The following MSMB variants were observed in gnomAD, a reference collection of about 807,000 sequenced individuals.
MSMB encodes beta-microseminoprotein.
MSMB carries 10 observed loss-of-function variants against 10.5 expected under a neutral mutation model. That is an observed-to-expected ratio of 0.95 (90% CI 0.59 to 1.62). The LOEUF (loss-of-function observed/expected upper bound fraction) is 1.62. Among genes scored for constraint, MSMB ranks in the 40% most tolerant of loss-of-function variants. MSMB has a pLI of 0.00. For synonymous variants in MSMB, 43 were observed against 46.5 expected (o/e 0.93, Z 0.30); for missense variants, 126 against 137.4 (o/e 0.92, Z 0.42).
In MSMB at chr10:46,046,232, T is replaced by C; in HGVS notation, c.3+3A>G. ...GCCTTTATATATAAAACCAGTTACC[T>C]ACCATTGTGATAAGCAGGACTCCTT... is the stretch of plus-strand genomic sequence containing the variant. On this transcript the variant is annotated splice_donor_region_variant and intron_variant, in intron 1 of 3. Transcript: ENST00000582163. 1 of 1,611,588 alleles carries C rather than the reference T, an allele frequency of 6.2e-7. No individual in the cohort carries two copies. Among genetic ancestry groups the C allele is most frequent in the South Asian group, 1.1e-5 (1 of 91,030 alleles).
At position 46,033,349 on chromosome 10, in the gene MSMB, C is replaced by A; in HGVS notation, c.*73G>T. 1.9e-6 allele frequency: 3 copies of A among 1,558,126 alleles called. No homozygotes were observed. Among genetic ancestry groups the A allele is most frequent in the Non-Finnish European group, 1.7e-6 (2 of 1,150,712 alleles). On this transcript the variant is annotated 3_prime_UTR_variant, in exon 4 of 4. Transcript: ENST00000582163. ...ATCTTTTTACTGATAGGCATGGCTA[C>A]ACAATCATTGACTATTAGAGGCCAG...
chr10:46,037,222 T>G (rs1840629435), intron 3 of MSMB, among the ~76,000 whole-genome samples: 1 of 152,194 alleles, frequency 6.6e-6, no homozygotes, highest in African/African-American at 2.4e-5. Context: ...AAATTCAGAT[T>G]CCTTGGCCCC....
In MSMB at chr10:46,039,004, T is replaced by C. The variant is rs1554927992; in HGVS notation, c.177A>G (p.Thr59=). Residue 59 remains threonine (T), a synonymous_variant, in exon 3 of 4, where the codon ACA becomes ACG. Transcript: ENST00000582163. ...AAATTTCTGTTTCGTAGCAAGTGCA[T>C]GTCTCACAGTTGTCAGTCTGCCACT... ...NSEWQTDNCE[T]CTCYETEISC... The C allele has an allele frequency of 6.2e-7, 1 of 1,614,034 alleles. No homozygotes were observed. Among genetic ancestry groups the C allele is most frequent in the African/African-American group, 1.3e-5 (1 of 74,930 alleles).
chr10:46,039,153 T>A lies in MSMB; in HGVS notation c.110-82A>T, dbSNP rs1041087123. On this transcript the variant is annotated intron_variant, in intron 2 of 3. Transcript: ENST00000582163. Reference sequence around the variant, plus strand: ...TCAGGACATTGAGTCCTGCCCCTACTATCTACACCCCTCCCAGAGAGAGAG... The same window carrying A: ...TCAGGACATTGAGTCCTGCCCCTACAATCTACACCCCTCCCAGAGAGAGAG... 7.9e-6 allele frequency: 9 copies of A among 1,140,496 alleles called. No homozygotes were observed. In the East Asian group the frequency reaches 2.0e-4, roughly 26 times the overall value. The allele number at this position is 1,140,496 out of a possible 1,614,324, so 70.6% of individuals were successfully genotyped here.
At chr10:46,034,682 G>A (rs1369036068) in intron 3 of MSMB, among the ~76,000 whole-genome samples, 5 of 151,756 alleles carry the variant, frequency 3.3e-5, no homozygotes, top group East Asian at 3.9e-4. Flanking sequence ...AAAATTAGCC[G>A]GGCGTGGTTG....
At chr10:46,045,364 T>A (rs1840869404) in intron 1 of MSMB, among the ~76,000 whole-genome samples, 1 of 151,880 alleles carries the variant, frequency 6.6e-6, no homozygotes, top group South Asian at 2.1e-4. Flanking sequence ...AAATCCTATC[T>A]CTAAAACAAA....
intron 1 of MSMB, among the ~76,000 whole-genome samples, chr10:46,041,574 G>A (rs562567172): frequency 4.3e-4 from 65 of 152,110 alleles, no homozygotes; most frequent in East Asian, 3.9e-4. Context: ...CAGGCACATC[G>A]CTTGAGCTCA....
intron 3 of MSMB, among the ~76,000 whole-genome samples, chr10:46,034,394 T>C (rs1324374927): frequency 6.6e-6 from 1 of 151,748 alleles, no homozygotes; most frequent in Non-Finnish European, 1.5e-5. Flanking sequence ...CCTCCCAAAG[T>C]GCTGGGATTA....
chr10:46,044,439 G>A (rs1340375230), intron 1 of MSMB, among the ~76,000 whole-genome samples: 2 of 146,878 alleles, frequency 1.4e-5, no homozygotes, highest in Non-Finnish European at 3.0e-5. Context: ...AGCTGGGCGT[G>A]GTGGCGGGCG....
intron 3 of MSMB, among the ~76,000 whole-genome samples, chr10:46,038,536 C>T (rs1283221705): frequency 6.6e-6 from 1 of 152,122 alleles, no homozygotes; most frequent in Non-Finnish European, 1.5e-5. Context: ...GATCCGCCCG[C>T]TTCGGCCCCC....
chr10:46,044,737 G>A (rs558962305), intron 1 of MSMB, among the ~76,000 whole-genome samples: 1 of 151,746 alleles, frequency 6.6e-6, no homozygotes, highest in South Asian at 2.1e-4. Flanking sequence ...GGATCACTTG[G>A]GCCCAAGAGT....
At chr10:46,044,181 C>A (rs1840824762) in intron 1 of MSMB, among the ~76,000 whole-genome samples, 1 of 152,124 alleles carries the variant, frequency 6.6e-6, no homozygotes, top group South Asian at 2.1e-4. Context: ...CCCTGAGCTC[C>A]TGATGTGTGC....
At chr10:46,037,964 G>A (rs1564935091) in intron 3 of MSMB, among the ~76,000 whole-genome samples, 1 of 152,188 alleles carries the variant, frequency 6.6e-6, no homozygotes. Flanking sequence ...GTTGATGCAA[G>A]CGTCAACACA....
At chr10:46,040,198 G>A in intron 1 of MSMB, 107 bp from the exon 2 acceptor site, 1 of 829,362 alleles carries the variant, frequency 1.2e-6, no homozygotes, top group South Asian at 1.7e-5. Flanking sequence ...GAGAGGTTAT[G>A]ATGTGGAGCT....
At chr10:46,040,801 A>G (rs1255551099) in intron 1 of MSMB, among the ~76,000 whole-genome samples, 1 of 152,122 alleles carries the variant, frequency 6.6e-6, no homozygotes, top group East Asian at 1.9e-4. Context: ...AAAAATACAA[A>G]AAATTAGCCG....
intron 3 of MSMB, among the ~76,000 whole-genome samples, chr10:46,036,307 G>A (rs1840602913): frequency 6.6e-6 from 1 of 152,214 alleles, no homozygotes; most frequent in African/African-American, 2.4e-5. Flanking sequence ...ATCAAAGTCT[G>A]TATTTTTCCA....
chr10:46,040,090 T>G lies in MSMB; in HGVS notation c.5A>C (p.Asn2Thr). The change falls in exon 2 of 4, where the codon AAT (asparagine) becomes ACT (threonine). Residue 2 changes from asparagine (N) to threonine (T), a missense_variant and splice_region_variant. By Grantham distance (65) the Asn-to-Thr change is moderately conservative. Coordinates refer to ENST00000582163, the MANE Select transcript of MSMB (RefSeq NM_002443.4). ...GATCACAACGCTGCCCAGGAGAACA[T>G]TCTGTAATGTGAAGAAAGGTCAGGG... M[N>T]VLLGSVVIFA... 1 of 1,612,984 alleles carries G rather than the reference T, an allele frequency of 6.2e-7. No homozygotes were observed.
In MSMB at chr10:46,034,331, T is replaced by C; in HGVS notation, c.216-780A>G. On this transcript the variant is annotated intron_variant, in intron 3 of 3. Transcript: ENST00000582163. ...GGTCGGCGCGGGGGAGGTCTCACCA[T>C]GTTGGCCAGGCAGGTCTCGAACTCC... 2.6e-5 allele frequency among the ~76,000 whole-genome samples: 4 copies of C among 151,670 alleles called. No homozygotes were observed. In the East Asian group the frequency reaches 6.0e-4, roughly 23 times the overall value.
At chr10:46,039,133 A>G in intron 2 of MSMB, 62 bp from the exon 3 acceptor site, 2 of 1,424,832 alleles carry the variant, frequency 1.4e-6, no homozygotes, top group Non-Finnish European at 2.0e-6. Flanking sequence ...GCCTATCAGG[A>G]CATTGAGTCC....
Sources: gnomAD v4.1 joint callset for allele counts (sites outside exome capture counted in the v4.1 genomes callset) on GRCh38, gnomAD v4.1.1 for gene constraint, MANE v1.5 for transcripts, NCBI Gene and HGNC (gene_info 2026-07-23, HGNC 2026-07-21) for gene names.